The following PARD3B variants were observed in gnomAD, a reference collection of about 807,000 sequenced individuals.
The protein encoded by PARD3B is par-3 family cell polarity regulator beta, also known as partitioning defective 3 homolog B.
A neutral mutation model predicts 130.2 loss-of-function variants in PARD3B; 103 were observed. That is an observed-to-expected ratio of 0.79 (90% CI 0.67 to 0.93). The LOEUF is 0.93. PARD3B is among the 40% of genes least tolerant of loss of function. The pLI, the probability that PARD3B is intolerant of heterozygous loss-of-function variation, is 0.00. For missense variants in PARD3B, 1,609 were observed against 1,499.2 expected (o/e 1.07, Z -1.21); for synonymous variants, 583 against 553.2 (o/e 1.05, Z -0.76).
intron 2 of PARD3B, among the ~76,000 whole-genome samples, chr2:204,913,773 A>G (rs2047338396): frequency 6.6e-6 from 1 of 152,236 alleles, no homozygotes; most frequent in South Asian, 2.1e-4. Context: ...AACTAAAAAT[A>G]TACATTTTGT....
chr2:205,467,613 A>T (rs144204962), intron 20 of PARD3B, among the ~76,000 whole-genome samples: 1 of 152,204 alleles, frequency 6.6e-6, no homozygotes, highest in African/African-American at 2.4e-5. Flanking sequence ...TTCATGGTGG[A>T]ATGAAGCCAA....
chr2:205,181,013 T>C (rs2035757631), intron 13 of PARD3B, among the ~76,000 whole-genome samples: 1 of 152,184 alleles, frequency 6.6e-6, no homozygotes, highest in African/African-American at 2.4e-5. Context: ...CTGGTTAGCA[T>C]TACCTCTCAT....
chr2:205,084,921 C>A (rs1305375603), intron 4 of PARD3B, among the ~76,000 whole-genome samples: 1 of 151,580 alleles, frequency 6.6e-6, no homozygotes, highest in Admixed American at 6.6e-5. Context: ...TCATGTATGC[C>A]TTTGCTTTAA....
At chr2:205,199,328 A>G (rs2036861064) in intron 15 of PARD3B, among the ~76,000 whole-genome samples, 3 of 152,152 alleles carry the variant, frequency 2.0e-5, no homozygotes. Context: ...AGGGAGGAAG[A>G]AAGGGAAGAG....
At chr2:205,133,586 G>C (rs531057886) in intron 10 of PARD3B, among the ~76,000 whole-genome samples, 2 of 152,328 alleles carry the variant, frequency 1.3e-5, no homozygotes, top group East Asian at 3.9e-4. Context: ...AGTGGCTATT[G>C]CTGACTAGCT....
chr2:205,581,291 TAG>T (rs1472863792), intron 22 of PARD3B, among the ~76,000 whole-genome samples: 27 of 141,686 alleles, frequency 1.9e-4, no homozygotes, highest in East Asian at 1.9e-3. Context: ...GATATATAGA[TAG>T]ATATAGATAG....
At chr2:205,597,788 C>T (rs1575451424) in intron 22 of PARD3B, among the ~76,000 whole-genome samples, 1 of 152,292 alleles carries the variant, frequency 6.6e-6, no homozygotes, top group East Asian at 1.9e-4. Context: ...GGACTTTCAG[C>T]ACAAACCTTA....
intron 15 of PARD3B, among the ~76,000 whole-genome samples, chr2:205,211,199 T>C (rs1172627742): frequency 6.6e-6 from 1 of 152,156 alleles, no homozygotes; most frequent in Non-Finnish European, 1.5e-5. Flanking sequence ...CAGTGCTGGC[T>C]GCTTTAGAGC....
chr2:205,531,309 A>C (rs184401682), intron 21 of PARD3B, among the ~76,000 whole-genome samples: 1 of 152,256 alleles, frequency 6.6e-6, no homozygotes, highest in African/African-American at 2.4e-5. Flanking sequence ...AGAGAGAGAA[A>C]CATGAAGCAG....
intron 2 of PARD3B, among the ~76,000 whole-genome samples, chr2:204,822,737 A>G (rs1559173104): frequency 6.6e-6 from 1 of 152,190 alleles, no homozygotes; most frequent in Non-Finnish European, 1.5e-5. Flanking sequence ...GAAATGTGGA[A>G]CATATTTTTC....
At chr2:204,556,764 A>T (rs576892486) in intron 1 of PARD3B, among the ~76,000 whole-genome samples, 10 of 152,288 alleles carry the variant, frequency 6.6e-5, no homozygotes, top group African/African-American at 2.4e-4. Flanking sequence ...GAGTTTAAAA[A>T]TATGTGTATA....
chr2:204,779,122 G>A (rs192271085), intron 2 of PARD3B, among the ~76,000 whole-genome samples: 1 of 151,974 alleles, frequency 6.6e-6, no homozygotes, highest in Admixed American at 6.6e-5. Context: ...CTCTTCATGG[G>A]GTCAACTTCT....
intron 1 of PARD3B, among the ~76,000 whole-genome samples, chr2:204,583,143 A>T (rs1232793845): frequency 1.4e-5 from 2 of 139,552 alleles, no homozygotes; most frequent in Non-Finnish European, 3.1e-5. Context: ...CCAAATGACT[A>T]TAAATCATGC....
intron 22 of PARD3B, among the ~76,000 whole-genome samples, chr2:205,569,094 G>A (rs1335196895): frequency 6.6e-6 from 1 of 151,994 alleles, no homozygotes; most frequent in African/African-American, 2.4e-5. Context: ...AAAAAGTAAC[G>A]ATTATGATCA....
intron 2 of PARD3B, among the ~76,000 whole-genome samples, chr2:204,813,706 G>C (rs1381268934): frequency 1.3e-5 from 2 of 152,128 alleles, no homozygotes; most frequent in Middle Eastern, 3.4e-3. Flanking sequence ...TGAGACATGA[G>C]TTCAAGTTTA....
At position 205,156,204 on chromosome 2, in the gene PARD3B, T is replaced by C. The variant is rs1217264340; in HGVS notation, c.1435-2518T>C. ...ACATGTTCTCACTCATAGGTGGGAA[T>C]TGAACAATGAGAACACATGGACACA... On this transcript the variant is annotated intron_variant, in intron 10 of 22. Transcript: ENST00000406610. 3.1e-4 allele frequency among the ~76,000 whole-genome samples: 40 copies of C among 130,678 alleles called. 1 individual carries two copies. In the South Asian group the frequency reaches 4.8e-3, roughly 16 times the overall value. The allele number at this position is 130,678 out of a possible 152,430, so 85.7% of individuals were successfully genotyped here. A position where few individuals can be genotyped will look rare whatever the true frequency, so the allele number is the denominator to read the frequency against.
intron 2 of PARD3B, among the ~76,000 whole-genome samples, chr2:204,784,092 TAGAA>T (rs1406628170): frequency 6.6e-6 from 1 of 152,090 alleles, no homozygotes; most frequent in African/African-American, 2.4e-5. Flanking sequence ...AAAGAACACA[TAGAA>T]AGGGCTTAGA....
intron 11 of PARD3B, among the ~76,000 whole-genome samples, chr2:205,170,828 A>G (rs142289311): frequency 7.3e-6 from 1 of 136,102 alleles, no homozygotes; most frequent in Non-Finnish European, 1.6e-5. Flanking sequence ...TCATTCTGTT[A>G]ATTTGACCAC....
intron 19 of PARD3B, among the ~76,000 whole-genome samples, chr2:205,426,130 C>G (rs764076780): frequency 6.6e-6 from 1 of 151,604 alleles, no homozygotes; most frequent in Non-Finnish European, 1.5e-5. Context: ...TTATAGACAC[C>G]CAGAGAGGAA....
Sources: gnomAD v4.1 joint callset for allele counts (sites outside exome capture counted in the v4.1 genomes callset) on GRCh38, gnomAD v4.1.1 for gene constraint, MANE v1.5 for transcripts, NCBI Gene and HGNC (gene_info 2026-07-23, HGNC 2026-07-21) for gene names.